TMEM230: variants seen among roughly 807,000 people sequenced by gnomAD.
The protein encoded by TMEM230 is transmembrane protein 230, also known as UPF0414 transmembrane protein C20orf30.
A neutral mutation model predicts 15.8 loss-of-function variants in TMEM230; 10 were observed. The observed-to-expected ratio is 0.63, with a 90% CI of 0.39 to 1.07. The LOEUF (loss-of-function observed/expected upper bound fraction) is 1.07. TMEM230 is among the 50% of genes least tolerant of loss of function. TMEM230 has a pLI of 0.01. For missense variants in TMEM230, 165 were observed against 193.3 expected (o/e 0.85, Z 0.87); for synonymous variants, 67 against 76.9 (o/e 0.87, Z 0.68).
chr20:5,071,647 G>A (rs987181720), intron 3 of TMEM230, among the ~76,000 whole-genome samples: 3 of 151,670 alleles, frequency 2.0e-5, no homozygotes, highest in African/African-American at 7.3e-5. Flanking sequence ...AACAAAAAGG[G>A]TACATAGATT....
rs2089819132 is a variant in TMEM230, at chr20:5,100,732, T to C, written c.*59A>G. On this transcript the variant is annotated 3_prime_UTR_variant, in exon 5 of 5. Transcript: ENST00000342308. ...CTTAGTCCTCAGCTATAGTTTCTGC[T>C]AGATATCTTAAAGCTGGGACAGTTC... is the stretch of plus-strand genomic sequence containing the variant. 7 of 1,594,670 alleles carry C rather than the reference T, an allele frequency of 4.4e-6. No individual in the cohort carries two copies. In the Admixed American group the frequency reaches 6.9e-5, roughly 16 times the overall value.
chr20:5,072,255 TG>T (rs1237464900), intron 3 of TMEM230, among the ~76,000 whole-genome samples: 1 of 152,126 alleles, frequency 6.6e-6, no homozygotes, highest in East Asian at 1.9e-4. Flanking sequence ...CCTCACTGTG[TG>T]GTCCAGGCTA....
chr20:5,063,757 G>A (rs571619731), downstream of TMEM230, among the ~76,000 whole-genome samples: 8 of 152,134 alleles, frequency 5.3e-5, no homozygotes, highest in East Asian at 5.8e-4. Flanking sequence ...CTCTGACCAT[G>A]ATGAAATAGA....
intron 3 of TMEM230, among the ~76,000 whole-genome samples, chr20:5,075,043 C>T (rs1232539193): frequency 6.6e-6 from 1 of 151,258 alleles, no homozygotes; most frequent in East Asian, 2.0e-4. Context: ...CTAAGTGCAT[C>T]AACCTGTATA....
intron 4 of TMEM230, among the ~76,000 whole-genome samples, chr20:5,102,018 C>T (rs897411017): frequency 6.6e-6 from 1 of 152,206 alleles, no homozygotes; most frequent in African/African-American, 2.4e-5. Context: ...AGCTACAGCC[C>T]TTTACCAATC....
Position 5,100,273 on chromosome 20 carries a change from A to G in TMEM230, c.*518T>C. On this transcript the variant is annotated 3_prime_UTR_variant, in exon 5 of 5. Coordinates refer to ENST00000342308, the MANE Select transcript of TMEM230 (RefSeq NM_001009923.2). Reference sequence around the variant, plus strand: ...GATAAAAAAATTCCTGGTTGCTGTCAGTAAGAAAGCAAGTAAAAAAAATAT... The same window carrying G: ...GATAAAAAAATTCCTGGTTGCTGTCGGTAAGAAAGCAAGTAAAAAAAATAT... 1.0e-6 allele frequency: 1 copy of G among 985,376 alleles called. No individual in the cohort carries two copies. Among genetic ancestry groups the G allele is most frequent in the Non-Finnish European group, 1.2e-6 (1 of 829,828 alleles). 61.0% of individuals were successfully genotyped at this position (985,376 alleles called of 1,614,324 possible).
chr20:5,099,616 C>T (rs758378146), downstream of TMEM230, among the ~76,000 whole-genome samples: 3 of 152,166 alleles, frequency 2.0e-5, no homozygotes, highest in Non-Finnish European at 2.9e-5. Context: ...ACACATGCAT[C>T]GCAACTGCCT....
chr20:5,069,455 A>C, intron 3 of TMEM230: 1 of 1,195,640 alleles, frequency 8.4e-7, no homozygotes, highest in Non-Finnish European at 1.1e-6. Flanking sequence ...TTGGTGCTCC[A>C]CAACACTTCC....
chr20:5,106,385 T>C lies in TMEM230; in HGVS notation c.289-75A>G, dbSNP rs139733103. 1.4e-3 allele frequency: 2,064 copies of C among 1,478,340 alleles called. 7 individuals are homozygous for C. Among genetic ancestry groups the C allele is most frequent in the Middle Eastern group, 5.2e-3 (29 of 5,558 alleles). 91.6% of individuals were successfully genotyped at this position (1,478,340 alleles called of 1,614,324 possible). On this transcript the variant is annotated intron_variant, in intron 3 of 4. Transcript: ENST00000342308. ...TACCTGGGTTCAAACATTTAATTAA[T>C]TATTTGTAATTTTTATGTTTTTGTT...
At chr20:5,063,148 G>A in the TMEM230 span, among the ~76,000 whole-genome samples, 2 of 151,972 alleles carry the variant, frequency 1.3e-5, no homozygotes, top group African/African-American at 4.8e-5. Flanking sequence ...CGCAGTAACT[G>A]GGGAGGAGGA....
chr20:5,072,350 T>C (rs897429792), intron 3 of TMEM230, among the ~76,000 whole-genome samples: 5 of 152,084 alleles, frequency 3.3e-5, no homozygotes. Flanking sequence ...GCCTCCATAC[T>C]CAGCCCCTTT....
chr20:5,092,351 T>A (rs1041297510), intron 3 of TMEM230, among the ~76,000 whole-genome samples: 1 of 152,142 alleles, frequency 6.6e-6, no homozygotes, highest in African/African-American at 2.4e-5. Flanking sequence ...CCCCATTAAA[T>A]GGGGAAAATA....
chr20:5,089,544 T>C (rs1258373554), intron 3 of TMEM230, among the ~76,000 whole-genome samples: 3 of 149,214 alleles, frequency 2.0e-5, no homozygotes, highest in Non-Finnish European at 4.5e-5. Context: ...CCACTAAAAA[T>C]ACAAAAATTA....
intron 3 of TMEM230, among the ~76,000 whole-genome samples, chr20:5,087,499 A>AT (rs2089376662): frequency 6.8e-6 from 1 of 148,084 alleles, no homozygotes; most frequent in African/African-American, 2.6e-5. Flanking sequence ...GTAAGAGGAC[A>AT]TATTTTTTTT....
At position 5,113,009 on chromosome 20, in the gene TMEM230, G is replaced by A. The variant is rs1369381332; in HGVS notation, c.20C>T (p.Pro7Leu). 1.9e-6 allele frequency: 3 copies of A among 1,549,970 alleles called. No individual in the cohort carries two copies. Among genetic ancestry groups the A allele is most frequent in the Non-Finnish European group, 2.6e-6 (3 of 1,147,370 alleles). The change falls in exon 1 of 5, where the codon CCA becomes CTA. Residue 7 changes from proline to leucine, a missense_variant. An upstream open reading frame in the 5' UTR gains an earlier in-frame stop. Transcript: ENST00000342308. Reference sequence around the variant, plus strand: ...GCACACCCAGAGCTCGCCCACGGTTGGCAGCGCCCAAGGTTGCATGGCATG... The same window carrying A: ...GCACACCCAGAGCTCGCCCACGGTTAGCAGCGCCCAAGGTTGCATGGCATG...
the TMEM230 span, among the ~76,000 whole-genome samples, chr20:5,062,766 TAATA>T: frequency 3.3e-5 from 5 of 151,864 alleles, no homozygotes; most frequent in African/African-American, 1.2e-4. Context: ...CTGTCATAAA[TAATA>T]AATAAATAAA....
chr20:5,111,064 C>A (rs964929350), intron 2 of TMEM230: 4 of 151,930 alleles, frequency 2.6e-5, no homozygotes, highest in African/African-American at 9.7e-5. Context: ...CACCTGTAAT[C>A]CCAGCTATTT....
chr20:5,105,147 TG>T (rs2090020422), intron 4 of TMEM230, among the ~76,000 whole-genome samples: 2 of 151,864 alleles, frequency 1.3e-5, no homozygotes, highest in African/African-American at 4.8e-5. Flanking sequence ...AAGCCAAGTG[TG>T]CTGGCTTGCC....
intron 3 of TMEM230, among the ~76,000 whole-genome samples, chr20:5,071,492 C>T (rs145922654): frequency 1.3e-5 from 2 of 149,256 alleles, no homozygotes; most frequent in African/African-American, 2.6e-5. Flanking sequence ...GGCATGGTGG[C>T]GATGCCTGTA....
Sources: gnomAD v4.1 joint callset for allele counts (sites outside exome capture counted in the v4.1 genomes callset) on GRCh38, gnomAD v4.1.1 for gene constraint, MANE v1.5 for transcripts, NCBI Gene and HGNC (gene_info 2026-07-23, HGNC 2026-07-21) for gene names.